GOLGB1: variants seen among roughly 807,000 people sequenced by gnomAD.
GOLGB1 encodes the protein golgin subfamily B member 1.
A neutral mutation model predicts 336.9 loss-of-function variants in GOLGB1; 174 were observed. The ratio of observed to expected loss-of-function variants is 0.52; its 90% CI spans 0.46 to 0.59. The LOEUF (loss-of-function observed/expected upper bound fraction) is 0.59. Among genes scored for constraint, GOLGB1 ranks in the 20% least tolerant of loss-of-function variants. The pLI, the probability that GOLGB1 is intolerant of heterozygous loss-of-function variation, is 0.00. For missense variants in GOLGB1, 3,331 were observed against 3,645.3 expected (o/e 0.91, Z 2.22); for synonymous variants, 1,208 against 1,289.2 (o/e 0.94, Z 1.35).
At chr3:121,739,246 T>C (rs537062937) in intron 1 of GOLGB1, among the ~76,000 whole-genome samples, 22 of 151,776 alleles carry the variant, frequency 1.4e-4, no homozygotes, top group Non-Finnish European at 2.8e-4. Context: ...GCCTGGGTGA[T>C]AGAGTAAGAC....
At chr3:121,718,835 T>A (rs1944972334) in intron 7 of GOLGB1, among the ~76,000 whole-genome samples, 1 of 152,206 alleles carries the variant, frequency 6.6e-6, no homozygotes, top group South Asian at 2.1e-4. Context: ...TAGGTACATG[T>A]ACATCTTACC....
At chr3:121,707,822 T>C (rs1229442712) in intron 10 of GOLGB1, among the ~76,000 whole-genome samples, 1 of 152,138 alleles carries the variant, frequency 6.6e-6, no homozygotes, top group East Asian at 1.9e-4. Context: ...CAGAGTTGAG[T>C]ACCTGCAACA....
At chr3:121,687,876 C>T (rs933388813) in intron 14 of GOLGB1, among the ~76,000 whole-genome samples, 1 of 152,116 alleles carries the variant, frequency 6.6e-6, no homozygotes, top group Non-Finnish European at 1.5e-5. Context: ...TTTGCATTTA[C>T]GGTCTGAAAA....
intron 4 of GOLGB1, 54 bp downstream of exon 4, chr3:121,729,134 G>A (rs1239315559): frequency 8.3e-7 from 1 of 1,199,692 alleles, no homozygotes; most frequent in South Asian, 1.4e-5. Flanking sequence ...AAGATCTGCT[G>A]TATTGGTAGG....
intron 20 of GOLGB1, 52 bp from the exon 21 acceptor site, chr3:121,665,083 G>T: frequency 2.0e-6 from 2 of 985,818 alleles, no homozygotes; most frequent in South Asian, 1.3e-5. Flanking sequence ...ATGAGAGGCT[G>T]ATCAGGCCCA....
At position 121,699,480 on chromosome 3, in the gene GOLGB1, T is replaced by A. The variant is rs530250211; in HGVS notation, c.1593+332A>T. On this transcript the variant is annotated intron_variant, in intron 12 of 21. Coordinates refer to ENST00000614479, the MANE Select transcript of GOLGB1 (RefSeq NM_001366282.2). ...TTTTTATTTAATCTTAGTAAAACTA[T>A]GCCAGTCTTATCTAATCTCTTCACT... is the stretch of plus-strand genomic sequence containing the variant. Among the ~76,000 whole-genome samples, 3 of 152,290 alleles carry A rather than the reference T, an allele frequency of 2.0e-5. No individual in the cohort carries two copies. The South Asian group carries it at 6.2e-4, about 32-fold the overall frequency.
chr3:121,689,321 C>T (rs1436762110), intron 14 of GOLGB1, among the ~76,000 whole-genome samples: 1 of 152,170 alleles, frequency 6.6e-6, no homozygotes, highest in Non-Finnish European at 1.5e-5. Flanking sequence ...AAATCTTCGG[C>T]CTTGGGATCC....
intron 1 of GOLGB1, among the ~76,000 whole-genome samples, chr3:121,747,150 T>TTTTATATA: frequency 2.0e-5 from 1 of 49,584 alleles, no homozygotes; most frequent in African/African-American, 9.1e-5. Flanking sequence ...TACATGGATG[T>TTTTATATA]TATATATATA....
chr3:121,699,869 C>A lies in GOLGB1; in HGVS notation c.1536G>T (p.Gln512His), dbSNP rs773503818. Residue 512 changes from glutamine to histidine, a missense_variant, in exon 12 of 22, where the codon CAG becomes CAT. Gln to His is a conservative substitution (Grantham distance 24, BLOSUM62 0). Transcript: ENST00000614479. ...TATTCTGAGCCTCTAGGAGAGTAATCTGAGAAGACAGTTTTTCTGAAAGTC... is the reference window on the plus strand; with the variant it reads ...TATTCTGAGCCTCTAGGAGAGTAATATGAGAAGACAGTTTTTCTGAAAGTC... The part of the protein sequence containing the change: ...LKAENEKLSS[Q>H]ITLLEAQNRT... 56 of 1,598,684 alleles carry A rather than the reference C, an allele frequency of 3.5e-5. 1 individual carries two copies. The South Asian group carries it at 6.0e-4, about 17-fold the overall frequency.
chr3:121,696,419 A>G lies in GOLGB1; in HGVS notation c.4104T>C (p.Ala1368=). 3 of 1,614,132 alleles carry G rather than the reference A, an allele frequency of 1.9e-6. No individual in the cohort carries two copies. Among genetic ancestry groups the G allele is most frequent in the Non-Finnish European group, 2.5e-6 (3 of 1,180,016 alleles). Residue 1368 remains alanine (A), a synonymous_variant, in exon 13 of 22, where the codon GCT becomes GCC. Coordinates refer to ENST00000614479, the MANE Select transcript of GOLGB1 (RefSeq NM_001366282.2). ...IESLKTVSHE[A]EVHAESLQQK... Reference sequence around the variant, plus strand: ...GCTGCAGGCTTTCGGCATGGACTTCAGCTTCATGGGATACTGTCTTTAGAC... The same window carrying G: ...GCTGCAGGCTTTCGGCATGGACTTCGGCTTCATGGGATACTGTCTTTAGAC...
chr3:121,684,052 C>G (rs1941420775), intron 14 of GOLGB1, among the ~76,000 whole-genome samples: 1 of 139,414 alleles, frequency 7.2e-6, no homozygotes, highest in Non-Finnish European at 1.5e-5. Context: ...CGCTTGAATT[C>G]AGGAGGCGGA....
rs146271119 is a variant in GOLGB1, at chr3:121,697,957, C to T, written c.2566G>A (p.Ala856Thr). The T allele has an allele frequency of 1.2e-6, 2 of 1,614,004 alleles. No individual in the cohort carries two copies. The highest frequency in any genetic ancestry group is 1.7e-6 in the Non-Finnish European group (2 of 1,179,978). Residue 856 changes from alanine (A) to threonine (T), a missense_variant, in exon 13 of 22, where the codon GCA (alanine) becomes ACA (threonine). Coordinates refer to ENST00000614479, the MANE Select transcript of GOLGB1 (RefSeq NM_001366282.2). ...QNKESEVLEG[A>T]ERVRHISSKV... The stretch of plus-strand genomic sequence containing the variant: ...CTTGAGATATGCCTTACACGTTCTG[C>T]CCCCTCAAGCACTTCACTTTCCTTA...
In GOLGB1 at chr3:121,698,595, TC is replaced by T; in HGVS notation, c.1927del (p.Glu643AsnfsTer17). On this transcript the variant is annotated frameshift_variant, in exon 13 of 22. Coordinates refer to ENST00000614479, the MANE Select transcript of GOLGB1 (RefSeq NM_001366282.2). LOFTEE classifies it high-confidence loss of function. ...EESSLPAVEKEQASTEHQSRT... is the reference protein window; with the variant it reads ...EESSLPAVEKXQASTEHQSRT... Reference sequence around the variant, plus strand: ...ACTTTGATGTTCAGTGCTCGCCTGTTCTTTTTCAACTGCTGGAAGACTGCTC... The same window carrying T: ...ACTTTGATGTTCAGTGCTCGCCTGTTTTTTTCAACTGCTGGAAGACTGCTC... 6.2e-7 allele frequency: 1 copy of T among 1,613,966 alleles called. No individual in the cohort carries two copies. The highest frequency in any genetic ancestry group is 8.5e-7 in the Non-Finnish European group (1 of 1,179,894).
Position 121,714,897 on chromosome 3 carries a change from C to T in GOLGB1, c.1368G>A (p.Gln456=). The T allele has an allele frequency of 6.2e-7, 1 of 1,612,182 alleles. No homozygotes were observed. Among genetic ancestry groups the T allele is most frequent in the Admixed American group, 1.7e-5 (1 of 60,008 alleles). The change falls in exon 10 of 22, where the codon CAG becomes CAA. Residue 456 remains glutamine, a synonymous_variant. Transcript: ENST00000614479. ...CATTATAAACATCTGGGAAAGAAGT[C>T]TGAGATGCTGTTTCATGTTGTTGCA... The part of the protein sequence containing the change: ...LPLQQHETAS[Q]TSFPDVYNEG...
chr3:121,706,078 C>T (rs1576378608), intron 10 of GOLGB1, among the ~76,000 whole-genome samples: 1 of 150,378 alleles, frequency 6.6e-6, no homozygotes, highest in African/African-American at 2.5e-5. Flanking sequence ...GCAGAGGTTG[C>T]AGTGAGCTGA....
At chr3:121,726,807 A>C (rs1190342224) in intron 5 of GOLGB1, 106 bp downstream of exon 5, 4 of 739,292 alleles carry the variant, frequency 5.4e-6, no homozygotes, top group Non-Finnish European at 8.5e-6. Flanking sequence ...ATATATACAT[A>C]GATAAATGCC....
At position 121,697,634 on chromosome 3, in the gene GOLGB1, G is replaced by T; in HGVS notation, c.2889C>A (p.Gly963=). The T allele has an allele frequency of 1.2e-6, 2 of 1,612,332 alleles. No homozygotes were observed. Among genetic ancestry groups the T allele is most frequent in the Non-Finnish European group, 1.7e-6 (2 of 1,179,762 alleles). The change falls in exon 13 of 22, where the codon GGC becomes GGA. Residue 963 remains glycine (G), a synonymous_variant. Coordinates refer to ENST00000614479, the MANE Select transcript of GOLGB1 (RefSeq NM_001366282.2). ...TCATCTCATCATAATTTTGTTTAAG[G>T]CCAGAAGAAACTTCATTATCTTCTT... The part of the protein sequence containing the change: ...QVEEDNEVSS[G]LKQNYDEMSP...
chr3:121,709,888 A>G (rs372112382), intron 10 of GOLGB1, among the ~76,000 whole-genome samples: 225 of 152,190 alleles, frequency 1.5e-3, no homozygotes, highest in African/African-American at 4.9e-3. Context: ...AAGATGGGGG[A>G]AAAAAGCTGA....
intron 1 of GOLGB1, among the ~76,000 whole-genome samples, chr3:121,746,924 C>A (rs903447499): frequency 1.5e-4 from 23 of 151,710 alleles, no homozygotes; most frequent in African/African-American, 4.6e-4. Flanking sequence ...TGAAGATACA[C>A]AGAAAATATT....
Sources: gnomAD v4.1 joint callset for allele counts (sites outside exome capture counted in the v4.1 genomes callset) on GRCh38, gnomAD v4.1.1 for gene constraint, MANE v1.5 for transcripts, NCBI Gene and HGNC (gene_info 2026-07-23, HGNC 2026-07-21) for gene names.